Variants in TIE1 observed in about 807,000 individuals in gnomAD.
TIE1 encodes the protein tyrosine kinase with immunoglobulin like and EGF like domains 1, also known as tyrosine-protein kinase receptor Tie-1.
In TIE1, 89 loss-of-function variants were observed where a neutral mutation model predicts 130.5. The observed-to-expected ratio is 0.68, with a 90% CI of 0.57 to 0.81. TIE1 has a LOEUF of 0.81. Among genes scored for constraint, TIE1 ranks in the 40% least tolerant of loss-of-function variants. The pLI is 0.00. For synonymous variants in TIE1, 568 were observed against 629.4 expected (o/e 0.90, Z 1.46); for missense variants, 1,392 against 1,559.8 (o/e 0.89, Z 1.81).
Position 43,312,145 on chromosome 1 carries a change from AG to A in TIE1, c.1630+15del, listed in dbSNP as rs1476658359. The A allele has an allele frequency of 6.6e-7, 1 of 1,524,170 alleles. No individual in the cohort carries two copies. Among genetic ancestry groups the A allele is most frequent in the Non-Finnish European group, 8.8e-7 (1 of 1,135,100 alleles). The allele number at this position is 1,524,170 out of a possible 1,614,324, so 94.4% of individuals were successfully genotyped here. A position where few individuals can be genotyped will look rare whatever the true frequency, so the allele number is the denominator to read the frequency against. On this transcript the variant is annotated intron_variant, in intron 11 of 22. Coordinates refer to ENST00000372476, the MANE Select transcript of TIE1 (RefSeq NM_005424.5). The surrounding 1 kb of genome is among the most constrained non-coding windows in gnomAD (Gnocchi z 5.6). ...CAGACTGTCCTGGTGAGAGGCCAAG[AG>A]TCATCCCTTCCTGTCCCCCCAAGGG...
Position 43,307,370 on chromosome 1 carries a change from C to T in TIE1, c.773-62C>T. On this transcript the variant is annotated intron_variant, in intron 5 of 22. Transcript: ENST00000372476. This position sits in a 1 kb window ranked among gnomAD's most constrained non-coding sequence, Gnocchi z 5.4. ...GGTGGAGCTTGGAGGGTAAGGGCGA[C>T]AGGCAGGTCCTGGGCCCAGGGGCCC... 1 of 1,611,330 alleles carries T rather than the reference C, an allele frequency of 6.2e-7. No individual in the cohort carries two copies. Among genetic ancestry groups the T allele is most frequent in the South Asian group, 1.1e-5 (1 of 91,038 alleles).
rs1557457572 is a variant in TIE1, at chr1:43,322,725, T to G, written c.*3T>G. ...ATGCCACAGCTGAGGAGGCCTGAGCTGCCATCCAGCCAGAACGTGGCTCTG... is the reference window on the plus strand; with the variant it reads ...ATGCCACAGCTGAGGAGGCCTGAGCGGCCATCCAGCCAGAACGTGGCTCTG... On this transcript the variant is annotated 3_prime_UTR_variant, in exon 23 of 23. Transcript: ENST00000372476. This position sits in a 1 kb window ranked among gnomAD's most constrained non-coding sequence, Gnocchi z 4.0. The G allele has an allele frequency of 6.2e-7, 1 of 1,613,634 alleles. No homozygotes were observed. The highest frequency in any genetic ancestry group is 2.2e-5 in the East Asian group (1 of 44,884).
Position 43,319,226 on chromosome 1 carries a change from T to C in TIE1, c.2923-9T>C. 2 of 1,610,860 alleles carry C rather than the reference T, an allele frequency of 1.2e-6. No individual in the cohort carries two copies. Among genetic ancestry groups the C allele is most frequent in the Non-Finnish European group, 1.7e-6 (2 of 1,177,010 alleles). ...CCCAGTCTCTCCTGACTTCTGACCC[T>C]GCCTACAGTTCATCCACAGGGACCT... On this transcript the variant is annotated splice_polypyrimidine_tract_variant and intron_variant, in intron 17 of 22. Transcript: ENST00000372476. The surrounding 1 kb of genome is among the most constrained non-coding windows in gnomAD (Gnocchi z 4.7).
chr1:43,317,712 C>A lies in TIE1; in HGVS notation c.2731+38C>A. On this transcript the variant is annotated intron_variant, in intron 16 of 22. Transcript: ENST00000372476. The surrounding 1 kb of genome is among the most constrained non-coding windows in gnomAD (Gnocchi z 5.1). ...CTCATCACCTACCCCTTCTTCCAAA[C>A]CCCCATCCTCAGCCATCACCTCCAC... 6.5e-7 allele frequency: 1 copy of A among 1,532,046 alleles called. No homozygotes were observed. The highest frequency in any genetic ancestry group is 1.2e-5 in the South Asian group (1 of 80,746). The allele number at this position is 1,532,046 out of a possible 1,614,324, so 94.9% of individuals were successfully genotyped here.
At chr1:43,305,918 A>G (rs1020083139) in intron 3 of TIE1, among the ~76,000 whole-genome samples, 1 of 152,092 alleles carries the variant, frequency 6.6e-6, no homozygotes, top group African/African-American at 2.4e-5. Flanking sequence ...TCAGATTCAC[A>G]ACCCCTTGGC....
rs1211745683 is a variant in TIE1, at chr1:43,309,108, A to G, written c.1165A>G (p.Lys389Glu). The change falls in exon 8 of 23, where the codon AAG becomes GAG. Residue 389 changes from lysine (K) to glutamate (E), a missense_variant. Around this residue, in one of 6 missense-constraint regions of TIE1, gnomAD observed 551 missense variants for 565.5 expected, o/e 0.97. Transcript: ENST00000372476. The surrounding 1 kb of genome is among the most constrained non-coding windows in gnomAD (Gnocchi z 6.3). ...CGTGCGGGGCAGCATAGAGCTACGC[A>G]AGCCAGACGGCACTGTGCTCCTGGT... ...FPVRGSIELR[K>E]PDGTVLLSTK... 6.2e-7 allele frequency: 1 copy of G among 1,607,194 alleles called. No homozygotes were observed. The highest frequency in any genetic ancestry group is 8.5e-7 in the Non-Finnish European group (1 of 1,175,308).
Position 43,309,116 on chromosome 1 carries a change from C to T in TIE1, c.1173C>T (p.Asp391=), listed in dbSNP as rs759805607. The change falls in exon 8 of 23, where the codon GAC becomes GAT. Residue 391 remains aspartate (D), a synonymous_variant. Transcript: ENST00000372476. This position sits in a 1 kb window ranked among gnomAD's most constrained non-coding sequence, Gnocchi z 6.3. ...VRGSIELRKP[D]GTVLLSTKAI... ...GCAGCATAGAGCTACGCAAGCCAGA[C>T]GGCACTGTGCTCCTGGTCAGCCCCC... The T allele has an allele frequency of 4.1e-5, 65 of 1,599,432 alleles. No individual in the cohort carries two copies. The highest frequency in any genetic ancestry group is 8.0e-5 in the African/African-American group (6 of 74,672).
At chr1:43,321,567 C>A in intron 21 of TIE1, 49 bp from the exon 22 acceptor site, 1 of 1,556,188 alleles carries the variant, frequency 6.4e-7, no homozygotes, top group African/African-American at 1.4e-5. Context: ...CCTGTGACCC[C>A]ATCACCCCAG....
Position 43,319,341 on chromosome 1 carries a change from A to C in TIE1, c.3029A>C (p.Lys1010Thr), listed in dbSNP as rs1646890976. 1 of 1,613,908 alleles carries C rather than the reference A, an allele frequency of 6.2e-7. No individual in the cohort carries two copies. Among genetic ancestry groups the C allele is most frequent in the African/African-American group, 1.3e-5 (1 of 74,982 alleles). The change falls in exon 18 of 23, where the codon AAG (lysine) becomes ACG (threonine). Residue 1010 changes from lysine (K) to threonine (T), a missense_variant. By Grantham distance (78) the Lys-to-Thr change is moderately conservative. Transcript: ENST00000372476. This position sits in a 1 kb window ranked among gnomAD's most constrained non-coding sequence, Gnocchi z 4.7. Reference protein sequence around the residue: ...LSRGEEVYVKKTMGRLPVRWM... With the variant: ...LSRGEEVYVKTTMGRLPVRWM... Reference sequence around the variant, plus strand: ...CGGGGAGAGGAGGTTTATGTGAAGAAGACGATGGTGAGTCTCATTCAACCC... The same window carrying C: ...CGGGGAGAGGAGGTTTATGTGAAGACGACGATGGTGAGTCTCATTCAACCC...
At position 43,305,147 on chromosome 1, in the gene TIE1, G is replaced by C. The variant is rs781750183; in HGVS notation, c.355G>C (p.Val119Leu). ...GGCGCGGCGCACGCGCGTCATCTAC[G>C]TGCACAACAGCCCTGGAGGTGAGTT... ...AGARRTRVIY[V>L]HNSPGAHLLP... Residue 119 changes from valine (V) to leucine (L), a missense_variant, in exon 2 of 23, where the codon GTG (valine) becomes CTG (leucine). This residue lies in a region of TIE1 where 415 missense variants were observed against 424.8 expected (regional missense o/e 0.98). Coordinates refer to ENST00000372476, the MANE Select transcript of TIE1 (RefSeq NM_005424.5). The C allele has an allele frequency of 6.2e-6, 10 of 1,613,866 alleles. No homozygotes were observed. The highest frequency in any genetic ancestry group is 4.0e-5 in the African/African-American group (3 of 74,912).
Position 43,305,057 on chromosome 1 carries a change from A to G in TIE1, c.265A>G (p.Thr89Ala), listed in dbSNP as rs751362827. Residue 89 changes from threonine to alanine, a missense_variant, in exon 2 of 23, where the codon ACG (threonine) becomes GCG (alanine). By Grantham distance (58) the Thr-to-Ala change is moderately conservative. Transcript: ENST00000372476. ...RLARNGSHQV[T>A]LRGFSKPSDL... is the part of the protein sequence containing the mutation. ...GGCGCGCAACGGTTCGCACCAGGTC[A>G]CGCTTCGCGGCTTCTCCAAGCCCTC... 23 of 1,607,272 alleles carry G rather than the reference A, an allele frequency of 1.4e-5. No homozygotes were observed. The South Asian group carries it at 2.5e-4, about 18-fold the overall frequency.
rs34993202 is a variant in TIE1 at position 43,321,696 on chromosome 1, G to A, written c.3326G>A (p.Arg1109His). 8.3e-4 allele frequency: 1,283 copies of A among 1,552,632 alleles called. 2 individuals are homozygous for A. The highest frequency in any genetic ancestry group is 8.8e-4 in the Non-Finnish European group (1,013 of 1,147,466). ...GCCCAGATTGCGCTACAGCTAGGCC[G>A]CATGCTGGAAGCCAGGAAGGTGAGG... Reference protein sequence around the residue: ...PFAQIALQLGRMLEARKAYVN... With the variant: ...PFAQIALQLGHMLEARKAYVN... The change falls in exon 22 of 23, where the codon CGC becomes CAC. Residue 1109 changes from arginine to histidine, a missense_variant. Physicochemically the swap from Arg to His is conservative, Grantham distance 29. Around this residue, in one of 6 missense-constraint regions of TIE1, gnomAD observed 104 missense variants for 129.3 expected, o/e 0.80. Transcript: ENST00000372476.
In TIE1 at chr1:43,317,674, G is replaced by A; in HGVS notation, c.2731G>A (p.Gly911Ser). 1 of 1,573,576 alleles carries A rather than the reference G, an allele frequency of 6.4e-7. No homozygotes were observed. The highest frequency in any genetic ancestry group is 8.6e-7 in the Non-Finnish European group (1 of 1,158,304). ...CCTCCTGGGGGCCTGTAAGAACCGA[G>A]GTGAGCCCCCAGCTCATCACCTACC... ...INLLGACKNR[G>S]YLYIAIEYAP... Residue 911 changes from glycine (G) to serine (S), a missense_variant and splice_region_variant, in exon 16 of 23, where the codon GGT becomes AGT. Gly to Ser is a moderately conservative substitution (Grantham distance 56, BLOSUM62 0). Coordinates refer to ENST00000372476, the MANE Select transcript of TIE1 (RefSeq NM_005424.5). This position sits in a 1 kb window ranked among gnomAD's most constrained non-coding sequence, Gnocchi z 5.1.
Position 43,313,884 on chromosome 1 carries a change from C to T in TIE1, c.2325C>T (p.Thr775=). ...GCTCCGTGTCTGCCACCTGCCTCACCATCCTGGCTGCCCTTTTAACCCTGG... is the reference window on the plus strand; with the variant it reads ...GCTCCGTGTCTGCCACCTGCCTCACTATCCTGGCTGCCCTTTTAACCCTGG... ...VVGSVSATCL[T]ILAALLTLVC... The change falls in exon 14 of 23, where the codon ACC becomes ACT. Residue 775 remains threonine (T), a synonymous_variant. Transcript: ENST00000372476. This position sits in a 1 kb window ranked among gnomAD's most constrained non-coding sequence, Gnocchi z 6.2. 1 of 1,614,122 alleles carries T rather than the reference C, an allele frequency of 6.2e-7. No homozygotes were observed. The highest frequency in any genetic ancestry group is 1.6e-4 in the Middle Eastern group (1 of 6,062).
rs770980339 is a variant in TIE1, at chr1:43,322,719, C to T, written c.3414C>T (p.Ala1138=). 6.2e-7 allele frequency: 1 copy of T among 1,613,768 alleles called. No homozygotes were observed. Among genetic ancestry groups the T allele is most frequent in the South Asian group, 1.1e-5 (1 of 91,066 alleles). Reference sequence around the variant, plus strand: ...GCATTGATGCCACAGCTGAGGAGGCCTGAGCTGCCATCCAGCCAGAACGTG... The same window carrying T: ...GCATTGATGCCACAGCTGAGGAGGCTTGAGCTGCCATCCAGCCAGAACGTG... The part of the protein sequence containing the change: ...YAGIDATAEE[A] Residue 1138 remains alanine, a synonymous_variant, in exon 23 of 23, where the codon GCC becomes GCT. Transcript: ENST00000372476. This position sits in a 1 kb window ranked among gnomAD's most constrained non-coding sequence, Gnocchi z 4.0.
At chr1:43,302,837 G>C (rs193246287) in intron 1 of TIE1, among the ~76,000 whole-genome samples, 25 of 152,140 alleles carry the variant, frequency 1.6e-4, no homozygotes, top group Non-Finnish European at 2.9e-5. Context: ...TAAGGATGAG[G>C]GCTGAACAAA....
chr1:43,308,938 C>T (rs750420805), intron 7 of TIE1, 48 bp from the exon 8 acceptor site: 12 of 1,613,564 alleles, frequency 7.4e-6, no homozygotes, highest in South Asian at 4.4e-5. Flanking sequence ...TTGGTGGTCA[C>T]GTGTCTGCCC....
chr1:43,307,462 G>T lies in TIE1; in HGVS notation c.803G>T (p.Cys268Phe). The T allele has an allele frequency of 3.1e-6, 5 of 1,614,172 alleles. No homozygotes were observed. Among genetic ancestry groups the T allele is most frequent in the Non-Finnish European group, 4.2e-6 (5 of 1,180,016 alleles). ...AGAGAGGGCCGTTTTGGGCAGAGCTGCCAGGAGCAGTGCCCAGGCATATCA... is the reference window on the plus strand; with the variant it reads ...AGAGAGGGCCGTTTTGGGCAGAGCTTCCAGGAGCAGTGCCCAGGCATATCA... ...ACREGRFGQS[C>F]QEQCPGISGC... The change falls in exon 6 of 23, where the codon TGC becomes TTC. Residue 268 changes from cysteine to phenylalanine, a missense_variant. Around this residue, in one of 6 missense-constraint regions of TIE1, gnomAD observed 415 missense variants for 424.8 expected, o/e 0.98. Coordinates refer to ENST00000372476, the MANE Select transcript of TIE1 (RefSeq NM_005424.5). The surrounding 1 kb of genome is among the most constrained non-coding windows in gnomAD (Gnocchi z 5.4).
chr1:43,309,572 C>G lies in TIE1; in HGVS notation c.1333+40C>G. On this transcript the variant is annotated intron_variant, in intron 9 of 22. Transcript: ENST00000372476. This position sits in a 1 kb window ranked among gnomAD's most constrained non-coding sequence, Gnocchi z 6.3. ...AGGTCCACAGGGAATGGACGGTGAG[C>G]AGAGTAGGCTCTAGATGATGCTGCT... 6.5e-7 allele frequency: 1 copy of G among 1,538,690 alleles called. No individual in the cohort carries two copies. Among genetic ancestry groups the G allele is most frequent in the African/African-American group, 1.4e-5 (1 of 72,532 alleles).
Sources: gnomAD v4.1 joint callset for allele counts (sites outside exome capture counted in the v4.1 genomes callset) on GRCh38, gnomAD v4.1.1 for gene constraint, gnomAD v4.1.1 regional missense constraint, Gnocchi (gnomAD v3.1) non-coding constraint, MANE v1.5 for transcripts, NCBI Gene and HGNC (gene_info 2026-07-23, HGNC 2026-07-21) for gene names.